GCLM: variants seen among roughly 807,000 people sequenced by gnomAD.
GCLM encodes glutamate-cysteine ligase modifier subunit.
Under a neutral mutation model 36.0 loss-of-function variants are expected in GCLM, and 15 were observed. The observed-to-expected ratio is 0.42, with a 90% CI of 0.28 to 0.64. The LOEUF is 0.64. Among genes scored for constraint, GCLM ranks in the 30% least tolerant of loss-of-function variants. GCLM has a pLI of 0.25. For missense variants in GCLM, 242 were observed against 325.5 expected, an observed-to-expected ratio of 0.74 and a Z score of 1.97; for synonymous variants, 129 against 122.8, an observed-to-expected ratio of 1.05 and a Z score of -0.34.
At chr1:93,906,544 C>CT (rs753480214) in intron 1 of GCLM, among the ~76,000 whole-genome samples, 18 of 152,138 alleles carry the variant, frequency 1.2e-4, no homozygotes, top group Non-Finnish European at 2.4e-4. Context: ...GAAACCATTT[C>CT]TTTAATTAAT....
chr1:93,899,164 C>T (rs1656856207), intron 3 of GCLM, among the ~76,000 whole-genome samples: 1 of 152,028 alleles, frequency 6.6e-6, no homozygotes, highest in Admixed American at 6.5e-5. Context: ...GCAACCTCCT[C>T]CTGGGTTCAA....
chr1:93,902,159 G>C (rs1557731381), intron 2 of GCLM, among the ~76,000 whole-genome samples: 2 of 151,712 alleles, frequency 1.3e-5, no homozygotes, highest in Non-Finnish European at 2.9e-5. Flanking sequence ...TTAGTTTTTG[G>C]GTTTTTTTGT....
chr1:93,902,403 C>T (rs1267979218), intron 2 of GCLM, among the ~76,000 whole-genome samples: 1 of 151,204 alleles, frequency 6.6e-6, no homozygotes, highest in Non-Finnish European at 1.5e-5. Flanking sequence ...TGGTCTCGAT[C>T]TCCTGACCTT....
At position 93,888,882 on chromosome 1, in the gene GCLM, G is replaced by C. The variant is rs1186583643; in HGVS notation, c.*108C>G. The C allele has an allele frequency of 4.4e-6, 3 of 686,704 alleles. No homozygotes were observed. The highest frequency in any genetic ancestry group is 3.7e-5 in the African/African-American group (2 of 54,220). The allele number at this position is 686,704 out of a possible 1,614,324, so 42.5% of individuals were successfully genotyped here. ...CAACATACTGTCAAATATGACGAAA[G>C]AATATCTGCCTCAATGACACCATTT... On this transcript the variant is annotated 3_prime_UTR_variant, in exon 7 of 7. Transcript: ENST00000370238.
intron 6 of GCLM, among the ~76,000 whole-genome samples, chr1:93,893,241 A>C (rs770961802): frequency 5.3e-5 from 8 of 152,100 alleles, no homozygotes; most frequent in Non-Finnish European, 1.0e-4. Context: ...AGTTCCTTTC[A>C]CTCTGAGGCT....
At chr1:93,889,208 C>CA (rs1557725218) in intron 6 of GCLM, 49 bp from the exon 7 acceptor site, 22 of 1,344,184 alleles carry the variant, frequency 1.6e-5, no homozygotes, top group Non-Finnish European at 2.2e-5. Flanking sequence ...AATTGGAAAA[C>CA]AAAAAAGCAC....
chr1:93,902,698 G>C (rs2100923625), intron 2 of GCLM, among the ~76,000 whole-genome samples: 1 of 152,136 alleles, frequency 6.6e-6, no homozygotes, highest in Middle Eastern at 3.4e-3. Flanking sequence ...TTATCTTAGG[G>C]TTTACTCTTG....
Position 93,888,759 on chromosome 1 carries a change from C to T in GCLM, c.*231G>A, listed in dbSNP as rs1265678354. 1.8e-5 allele frequency: 6 copies of T among 331,614 alleles called. No homozygotes were observed. Among genetic ancestry groups the T allele is most frequent in the African/African-American group, 1.3e-4 (6 of 47,130 alleles). The allele number at this position is 331,614 out of a possible 1,614,324, so 20.5% of individuals were successfully genotyped here. A position where few individuals can be genotyped will look rare whatever the true frequency, so the allele number is the denominator to read the frequency against. On this transcript the variant is annotated 3_prime_UTR_variant, in exon 7 of 7. Transcript: ENST00000370238. Reference sequence around the variant, plus strand: ...ATATTGCAAGTATTTTCTTTATAGACAATTTCAATTAGAAAACAATAGTTT... The same window carrying T: ...ATATTGCAAGTATTTTCTTTATAGATAATTTCAATTAGAAAACAATAGTTT...
chr1:93,900,465 GA>G (rs1449689802), intron 3 of GCLM, among the ~76,000 whole-genome samples: 14 of 152,166 alleles, frequency 9.2e-5, no homozygotes, highest in Non-Finnish European at 2.9e-5. Context: ...ACAGCAATGT[GA>G]AATTAACAGG....
chr1:93,891,805 A>G (rs1482473583), intron 6 of GCLM, among the ~76,000 whole-genome samples: 1 of 152,226 alleles, frequency 6.6e-6, no homozygotes. Flanking sequence ...CCTGAATAGC[A>G]TTAACAGTAA....
chr1:93,894,362 T>C (rs1355947555), intron 6 of GCLM, among the ~76,000 whole-genome samples: 2 of 151,978 alleles, frequency 1.3e-5, no homozygotes, highest in African/African-American at 4.8e-5. Flanking sequence ...TTCTGTGTAG[T>C]TTAATATTTG....
chr1:93,896,873 T>C, intron 4 of GCLM, 53 bp from the exon 5 acceptor site: 1 of 994,830 alleles, frequency 1.0e-6, no homozygotes. Flanking sequence ...TAAAAACAAA[T>C]ATTTCTAATG....
In GCLM at chr1:93,909,427, A is replaced by G; in HGVS notation, c.-264T>C. ...GGCCGCAGCGGGAGAGCTGATTCCA[A>G]ACTGAGGGAGCTGTTTCCTGGAAGA... On this transcript the variant is annotated 5_prime_UTR_variant, in exon 1 of 7. Transcript: ENST00000370238. 3.0e-6 allele frequency: 1 copy of G among 330,982 alleles called. No individual in the cohort carries two copies. 20.5% of individuals were successfully genotyped at this position (330,982 alleles called of 1,614,324 possible).
intron 6 of GCLM, 58 bp downstream of exon 6, chr1:93,894,555 TA>T: frequency 2.2e-6 from 2 of 901,080 alleles, no homozygotes; most frequent in South Asian, 2.7e-5. Flanking sequence ...TATCAACAAA[TA>T]CCTTTTTGTA....
At chr1:93,900,730 T>C (rs1300785051) in intron 3 of GCLM, among the ~76,000 whole-genome samples, 1 of 152,238 alleles carries the variant, frequency 6.6e-6, no homozygotes, top group East Asian at 1.9e-4. Flanking sequence ...CTATCTCATC[T>C]TACATGTAAT....
chr1:93,896,604 C>A lies in GCLM; in HGVS notation c.540+14G>T. 5.0e-6 allele frequency: 8 copies of A among 1,604,504 alleles called. No individual in the cohort carries two copies. The highest frequency in any genetic ancestry group is 6.8e-6 in the Non-Finnish European group (8 of 1,171,196). On this transcript the variant is annotated intron_variant, in intron 5 of 6. Transcript: ENST00000370238. ...AGTTCTTCCTGGAGTGCTCATGATCCTGCCATCCCTCACCTGTGCCCACTG... is the reference window on the plus strand; with the variant it reads ...AGTTCTTCCTGGAGTGCTCATGATCATGCCATCCCTCACCTGTGCCCACTG...
Position 93,889,160 on chromosome 1 carries a change from C to T in GCLM, c.656-1G>A. The T allele has an allele frequency of 1.9e-6, 3 of 1,550,006 alleles. No individual in the cohort carries two copies. The highest frequency in any genetic ancestry group is 2.6e-6 in the Non-Finnish European group (3 of 1,151,094). ...TGGAAACTTGCTTCAGAAAGCAGTT[C>T]TAAAAGAAACAACAACAAACAAAAC... On this transcript the variant is annotated splice_acceptor_variant, in intron 6 of 6. Transcript: ENST00000370238. LOFTEE classifies it high-confidence loss of function.
chr1:93,908,927 G>T, intron 1 of GCLM, 111 bp downstream of exon 1: 1 of 867,906 alleles, frequency 1.2e-6, no homozygotes, highest in Non-Finnish European at 1.6e-6. Context: ...CCAGGTGCGC[G>T]CGAGGCCCTG....
rs17882171 is a variant in GCLM at position 93,897,455 on chromosome 1, G to A, written c.337+384C>T. On this transcript the variant is annotated intron_variant, in intron 4 of 6. Coordinates refer to ENST00000370238, the MANE Select transcript of GCLM (RefSeq NM_002061.4). ...TGGAATAATTTTTTATTTAAGTATT[G>A]AATAACTTTAATATCACAATAACCT... is the stretch of plus-strand genomic sequence containing the variant. 5.2e-4 allele frequency among the ~76,000 whole-genome samples: 79 copies of A among 150,932 alleles called. 1 individual carries two copies. In the South Asian group the frequency reaches 0.015, roughly 28 times the overall value.
Sources: gnomAD v4.1 joint callset for allele counts (sites outside exome capture counted in the v4.1 genomes callset) on GRCh38, gnomAD v4.1.1 for gene constraint, MANE v1.5 for transcripts, NCBI Gene and HGNC (gene_info 2026-07-23, HGNC 2026-07-21) for gene names.